The following KIRREL3 variants were observed in gnomAD, a reference collection of about 807,000 sequenced individuals.
KIRREL3 encodes the protein kirre like nephrin family adhesion molecule 3, also known as kin of IRRE-like protein 3.
Under a neutral mutation model 89.7 loss-of-function variants are expected in KIRREL3, and 36 were observed. The observed-to-expected ratio is 0.40, with a 90% CI of 0.31 to 0.53. The LOEUF (loss-of-function observed/expected upper bound fraction) is 0.53, where lower values mean the gene tolerates loss of function less well. Among genes scored for constraint, KIRREL3 ranks in the 20% least tolerant of loss-of-function variants. The pLI is 0.49. For synonymous variants in KIRREL3, 445 were observed against 441.4 expected (o/e 1.01, Z -0.10); for missense variants, 864 against 1,056.6 (o/e 0.82, Z 2.53).
In KIRREL3 at chr11:126,425,630, C is replaced by G. The variant is rs371593778; in HGVS notation, c.1893+8G>C. On this transcript the variant is annotated splice_region_variant and intron_variant, in intron 16 of 16. Transcript: ENST00000525144. ...TGGCTGTGTCTTATAACCCGGGGCCCTTCTTACCTTCAGGTTCTGAAACTC... is the reference window on the plus strand; with the variant it reads ...TGGCTGTGTCTTATAACCCGGGGCCGTTCTTACCTTCAGGTTCTGAAACTC... The G allele has an allele frequency of 1.6e-5, 25 of 1,573,070 alleles. No homozygotes were observed. Among genetic ancestry groups the G allele is most frequent in the Non-Finnish European group, 2.0e-5 (23 of 1,157,184 alleles).
chr11:126,816,950 G>T (rs1217165060), intron 1 of KIRREL3, among the ~76,000 whole-genome samples: 1 of 152,158 alleles, frequency 6.6e-6, no homozygotes, highest in Non-Finnish European at 1.5e-5. Context: ...GCTGAGCAGA[G>T]CCTTGTTAAA....
intron 1 of KIRREL3, among the ~76,000 whole-genome samples, chr11:126,809,402 A>G (rs1022953681): frequency 1.6e-4 from 24 of 152,326 alleles, no homozygotes; most frequent in African/African-American, 5.5e-4. Flanking sequence ...CAGAAGACAG[A>G]CAAGGAACTG....
chr11:126,986,077 C>A (rs11220689), intron 1 of KIRREL3, among the ~76,000 whole-genome samples: 25,422 of 152,000 alleles, frequency 0.17, 2,309 homozygotes, highest in East Asian at 0.35. Context: ...CAGTACTCAG[C>A]CACCTGGGGA....
At chr11:126,456,573 G>A (rs952401781) in intron 6 of KIRREL3, 119 bp from the exon 7 acceptor site, 17 of 664,972 alleles carry the variant, frequency 2.6e-5, no homozygotes, top group Admixed American at 1.1e-4. Context: ...AGCAGCCCCC[G>A]CCCTGGTGGT....
At chr11:127,001,477 G>A (rs371958803), upstream of KIRREL3, among the ~76,000 whole-genome samples, 10 of 152,210 alleles carry the variant, frequency 6.6e-5, 1 homozygote, top group African/African-American at 2.4e-4. Context: ...AACGAGGACA[G>A]GGGAGCAGCC....
rs1251485109 is a variant in KIRREL3 at position 126,491,362 on chromosome 11, G to A, written c.434-17896C>T. Among the ~76,000 whole-genome samples, 1 of 152,168 alleles carries A rather than the reference G, an allele frequency of 6.6e-6. No homozygotes were observed. The highest frequency in any genetic ancestry group is 1.5e-5 in the Non-Finnish European group (1 of 68,018). ...CGGGTGCTTTATTGTGTGATGGGTG[G>A]GGACACTTGCTCTCAGGGGGAAAGA... On this transcript the variant is annotated intron_variant, in intron 4 of 16. Transcript: ENST00000525144. The surrounding 1 kb of genome is among the most constrained non-coding windows in gnomAD (Gnocchi z 5.5).
rs1332578022 is a variant in KIRREL3 at position 126,946,749 on chromosome 11, T to A, written c.55+53706A>T. 6.6e-6 allele frequency among the ~76,000 whole-genome samples: 1 copy of A among 152,222 alleles called. No individual in the cohort carries two copies. Among genetic ancestry groups the A allele is most frequent in the Non-Finnish European group, 1.5e-5 (1 of 68,040 alleles). ...ACTACTCTTATTAATTTTGTACTTA[T>A]CATATGTCAGGCAACAGAGTGAATG... On this transcript the variant is annotated intron_variant, in intron 1 of 16. Transcript: ENST00000525144. The surrounding 1 kb of genome is among the most constrained non-coding windows in gnomAD (Gnocchi z 4.1).
rs1055198546 is a variant in KIRREL3 at position 126,843,002 on chromosome 11, C to CTTGTGAG, written c.55+157446_55+157452dup. On this transcript the variant is annotated intron_variant, in intron 1 of 16. Transcript: ENST00000525144. The surrounding 1 kb of genome is among the most constrained non-coding windows in gnomAD (Gnocchi z 4.6). ...GGCCTTTACTTGGTGCTGTGAGGAA[C>CTTGTGAG]TTGTGAGTTCTGAGTTCATCTGATC... Among the ~76,000 whole-genome samples the CTTGTGAG allele has an allele frequency of 6.6e-6, 1 of 151,826 alleles. No individual in the cohort carries two copies. The highest frequency in any genetic ancestry group is 6.6e-5 in the Admixed American group (1 of 15,248).
Position 126,535,976 on chromosome 11 carries a change from C to A in KIRREL3, c.134-9289G>T, listed in dbSNP as rs1937830693. On this transcript the variant is annotated intron_variant, in intron 2 of 16. Transcript: ENST00000525144. The surrounding 1 kb of genome is among the most constrained non-coding windows in gnomAD (Gnocchi z 4.5). ...CTCCAGCCTAGGGGACAGAGTGAGA[C>A]TCCATCACAAAAAAAAAGATTTTGG... is the stretch of plus-strand genomic sequence containing the variant. Among the ~76,000 whole-genome samples, 1 of 151,730 alleles carries A rather than the reference C, an allele frequency of 6.6e-6. No individual in the cohort carries two copies. Among genetic ancestry groups the A allele is most frequent in the Non-Finnish European group, 1.5e-5 (1 of 67,960 alleles).
intron 1 of KIRREL3, among the ~76,000 whole-genome samples, chr11:126,779,995 C>T (rs187419387): frequency 1.6e-4 from 24 of 152,172 alleles, no homozygotes; most frequent in African/African-American, 4.1e-4. Flanking sequence ...GGGGAAAGCT[C>T]GGCTGAGTCT....
chr11:126,810,933 G>A (rs182204167), intron 1 of KIRREL3, among the ~76,000 whole-genome samples: 1 of 152,278 alleles, frequency 6.6e-6, no homozygotes, highest in African/African-American at 2.4e-5. Context: ...CCTGACAGCT[G>A]TGGGTGTGTG....
intron 1 of KIRREL3, among the ~76,000 whole-genome samples, chr11:126,850,728 G>T (rs918194908): frequency 1.3e-5 from 2 of 152,172 alleles, no homozygotes; most frequent in African/African-American, 2.4e-5. Context: ...TAAAAGGAAG[G>T]ACTCAACTGG....
intron 1 of KIRREL3, among the ~76,000 whole-genome samples, chr11:126,958,205 G>A (rs2135170722): frequency 6.6e-6 from 1 of 152,320 alleles, no homozygotes; most frequent in East Asian, 1.9e-4. Flanking sequence ...ATGTCTGGGA[G>A]TGTGACTATG....
At chr11:126,626,626 A>G (rs1347824384) in intron 1 of KIRREL3, among the ~76,000 whole-genome samples, 1 of 152,190 alleles carries the variant, frequency 6.6e-6, no homozygotes, top group Non-Finnish European at 1.5e-5. Flanking sequence ...AAAATATTTC[A>G]TTATTTTAAC....
rs1422973647 is a variant in KIRREL3 at position 126,900,253 on chromosome 11, A to G, written c.55+100202T>C. Among the ~76,000 whole-genome samples, 2 of 152,200 alleles carry G rather than the reference A, an allele frequency of 1.3e-5. No individual in the cohort carries two copies. The highest frequency in any genetic ancestry group is 2.4e-5 in the African/African-American group (1 of 41,458). ...CCTTCAGTTTTGGATCACTTGAATT[A>G]TTCAAACCAAAGACGCCTTCACCAC... is the stretch of plus-strand genomic sequence containing the variant. On this transcript the variant is annotated intron_variant, in intron 1 of 16. Coordinates refer to ENST00000525144, the MANE Select transcript of KIRREL3 (RefSeq NM_032531.4). The surrounding 1 kb of genome is among the most constrained non-coding windows in gnomAD (Gnocchi z 4.4).
chr11:126,521,575 G>T lies in KIRREL3; in HGVS notation c.284-111C>A. On this transcript the variant is annotated intron_variant, in intron 3 of 16. Transcript: ENST00000525144. This position sits in a 1 kb window ranked among gnomAD's most constrained non-coding sequence, Gnocchi z 4.1. ...CAGGGGCCATTCTACAAGGCTGGCA[G>T]AGCGGGTGATTGCTCAGGGCTCTGA... 1 of 967,916 alleles carries T rather than the reference G, an allele frequency of 1.0e-6. No homozygotes were observed. The highest frequency in any genetic ancestry group is 1.5e-6 in the Non-Finnish European group (1 of 656,494). The allele number at this position is 967,916 out of a possible 1,614,324, so 60.0% of individuals were successfully genotyped here.
chr11:126,793,410 C>T (rs1177036832), intron 1 of KIRREL3, among the ~76,000 whole-genome samples: 1 of 152,168 alleles, frequency 6.6e-6, no homozygotes, highest in African/African-American at 2.4e-5. Context: ...CTCTTAGTTC[C>T]TTTGGATGTG....
chr11:126,935,577 G>A (rs754372442), intron 1 of KIRREL3: 2 of 152,098 alleles, frequency 1.3e-5, no homozygotes, highest in Non-Finnish European at 2.9e-5. Flanking sequence ...AGCCATAAAA[G>A]GCATAGAGGA....
In KIRREL3 at chr11:126,883,882, A is replaced by G. The variant is rs886735641; in HGVS notation, c.55+116573T>C. The stretch of plus-strand genomic sequence containing the variant: ...AAAATTGGAATGGAGAGGTGGAGAC[A>G]TAGGTTTTGAATCGATACAAAGAAC... On this transcript the variant is annotated intron_variant, in intron 1 of 16. Coordinates refer to ENST00000525144, the MANE Select transcript of KIRREL3 (RefSeq NM_032531.4). This position sits in a 1 kb window ranked among gnomAD's most constrained non-coding sequence, Gnocchi z 4.1. 1.3e-5 allele frequency among the ~76,000 whole-genome samples: 2 copies of G among 152,214 alleles called. No homozygotes were observed. Among genetic ancestry groups the G allele is most frequent in the Non-Finnish European group, 2.9e-5 (2 of 68,036 alleles).
Sources: allele counts gnomAD v4.1 joint callset (sites outside exome capture counted in the v4.1 genomes callset), GRCh38; gene constraint gnomAD v4.1.1; non-coding constraint Gnocchi (gnomAD v3.1); transcripts MANE v1.5; gene names NCBI Gene and HGNC (gene_info 2026-07-23, HGNC 2026-07-21).